The following PPP2R5E variants were observed in gnomAD, a reference collection of about 807,000 sequenced individuals.
PPP2R5E encodes protein phosphatase 2 regulatory subunit B'epsilon.
PPP2R5E carries 4 observed loss-of-function variants against 65.3 expected under a neutral mutation model. The ratio of observed to expected loss-of-function variants is 0.06; its 90% confidence interval spans 0.03 to 0.14. The LOEUF (loss-of-function observed/expected upper bound fraction) is 0.14. PPP2R5E is among the 10% of genes least tolerant of loss of function. The pLI is 1.00. For missense variants in PPP2R5E, 274 were observed against 556.1 expected (o/e 0.49, Z 5.10); for synonymous variants, 183 against 187.4 (o/e 0.98, Z 0.19).
chr14:63,491,925 A>G (rs981058740), intron 2 of PPP2R5E, among the ~76,000 whole-genome samples: 5 of 152,148 alleles, frequency 3.3e-5, no homozygotes, highest in African/African-American at 7.2e-5. Context: ...TTAAAATTAC[A>G]TATGTGTCCT....
rs373641023 is a variant in PPP2R5E, at chr14:63,466,117, T to C, written c.158-12232A>G. Among the ~76,000 whole-genome samples, 7 of 152,304 alleles carry C rather than the reference T, an allele frequency of 4.6e-5. 1 individual carries two copies. In the South Asian group the frequency reaches 6.2e-4, roughly 14 times the overall value. ...CTTCTAAAGGGGATAAAATGGCCTATGTATTTTCCATTTGTTTTGAAGATT... is the reference window on the plus strand; with the variant it reads ...CTTCTAAAGGGGATAAAATGGCCTACGTATTTTCCATTTGTTTTGAAGATT... On this transcript the variant is annotated intron_variant, in intron 2 of 13. Transcript: ENST00000337537.
intron 2 of PPP2R5E, among the ~76,000 whole-genome samples, chr14:63,483,204 C>T (rs1890798325): frequency 6.6e-6 from 1 of 151,542 alleles, no homozygotes; most frequent in Non-Finnish European, 1.5e-5. Context: ...CAGACAAGTG[C>T]AAGAGAAAAA....
chr14:63,506,085 G>A (rs1419733356), intron 2 of PPP2R5E, among the ~76,000 whole-genome samples: 1 of 152,136 alleles, frequency 6.6e-6, no homozygotes, highest in Non-Finnish European at 1.5e-5. Context: ...CTAAATGGGA[G>A]AAAATATTTG....
At chr14:63,388,332 G>C (rs989053695) in intron 11 of PPP2R5E, among the ~76,000 whole-genome samples, 2 of 152,052 alleles carry the variant, frequency 1.3e-5, no homozygotes, top group Non-Finnish European at 2.9e-5. Flanking sequence ...ATAGAGACAG[G>C]GTTTCACCAT....
chr14:63,379,219 G>A (rs531771285), intron 13 of PPP2R5E, among the ~76,000 whole-genome samples: 7 of 151,974 alleles, frequency 4.6e-5, no homozygotes, highest in East Asian at 3.9e-4. Flanking sequence ...TAGTAGAGAC[G>A]GGGTTTCACC....
intron 2 of PPP2R5E, among the ~76,000 whole-genome samples, chr14:63,490,712 T>C (rs1032374954): frequency 6.6e-6 from 1 of 151,906 alleles, no homozygotes; most frequent in Non-Finnish European, 1.5e-5. Flanking sequence ...TCGGAATGAG[T>C]ACTATTAAAA....
chr14:63,389,094 T>G (rs7161314), intron 11 of PPP2R5E, among the ~76,000 whole-genome samples: 16,848 of 151,356 alleles, frequency 0.11, 1,231 homozygotes, highest in East Asian at 0.37. Flanking sequence ...TACTCTCTAT[T>G]AACTTGGGAC....
At chr14:63,541,254 A>C (rs1276417701) in intron 1 of PPP2R5E, among the ~76,000 whole-genome samples, 1 of 152,250 alleles carries the variant, frequency 6.6e-6, no homozygotes, top group Non-Finnish European at 1.5e-5. Context: ...AAGCCACCTT[A>C]CGTTATTAAC....
intron 3 of PPP2R5E, among the ~76,000 whole-genome samples, chr14:63,440,580 G>A (rs1566703930): frequency 6.6e-6 from 1 of 151,974 alleles, no homozygotes; most frequent in Non-Finnish European, 1.5e-5. Context: ...ACTTTTAGGG[G>A]TTTTAGACCT....
intron 5 of PPP2R5E, among the ~76,000 whole-genome samples, chr14:63,396,992 C>G (rs1885429791): frequency 6.6e-6 from 1 of 152,170 alleles, no homozygotes; most frequent in East Asian, 1.9e-4. Flanking sequence ...GATCATCAGG[C>G]AATTTTCCAA....
chr14:63,465,272 ATTAGTT>A (rs1442835531), intron 2 of PPP2R5E, among the ~76,000 whole-genome samples: 1 of 152,022 alleles, frequency 6.6e-6, no homozygotes, highest in Admixed American at 6.6e-5. Context: ...CACCTTCAAA[ATTAGTT>A]TTAAACAATT....
intron 5 of PPP2R5E, among the ~76,000 whole-genome samples, chr14:63,411,629 T>C (rs1886391735): frequency 7.1e-6 from 1 of 140,286 alleles, no homozygotes; most frequent in Admixed American, 7.4e-5. Context: ...GAGTTCTCAC[T>C]CTATTAGCTA....
At chr14:63,491,492 AT>A (rs1891283554) in intron 2 of PPP2R5E, among the ~76,000 whole-genome samples, 1 of 152,116 alleles carries the variant, frequency 6.6e-6, no homozygotes, top group Admixed American at 6.6e-5. Context: ...TCATTTTTAT[AT>A]TGGTTACATG....
chr14:63,529,523 G>C (rs1041113495), intron 2 of PPP2R5E, among the ~76,000 whole-genome samples: 5 of 151,888 alleles, frequency 3.3e-5, no homozygotes, highest in Admixed American at 3.3e-4. Context: ...ACCACGCCCG[G>C]CTAGTTTTTT....
intron 4 of PPP2R5E, among the ~76,000 whole-genome samples, chr14:63,418,412 A>T (rs1566687392): frequency 6.6e-6 from 1 of 152,244 alleles, no homozygotes; most frequent in Non-Finnish European, 1.5e-5. Context: ...CACTTCAGAC[A>T]TATTTATTAA....
chr14:63,507,820 C>T lies in PPP2R5E; in HGVS notation c.157+31709G>A, dbSNP rs1015342265. ...GTCTCCATCTCCTGACCTTGTGATC[C>T]GCCCACCTCGGCCTCCCAAAGTGCT... On this transcript the variant is annotated intron_variant, in intron 2 of 13. Coordinates refer to ENST00000337537, the MANE Select transcript of PPP2R5E (RefSeq NM_006246.5). Among the ~76,000 whole-genome samples the T allele has an allele frequency of 7.2e-5, 11 of 152,086 alleles. No individual in the cohort carries two copies. The East Asian group carries it at 1.6e-3, about 21-fold the overall frequency.
intron 2 of PPP2R5E, among the ~76,000 whole-genome samples, chr14:63,505,272 G>T (rs925446695): frequency 2.6e-5 from 4 of 152,164 alleles, no homozygotes; most frequent in Non-Finnish European, 5.9e-5. Context: ...GGAGGAAAGA[G>T]TGAGACTCTG....
Position 63,428,239 on chromosome 14 carries a change from A to C in PPP2R5E, c.355-6145T>G, listed in dbSNP as rs1239608825. 2.0e-5 allele frequency among the ~76,000 whole-genome samples: 3 copies of C among 152,034 alleles called. No homozygotes were observed. In the East Asian group the frequency reaches 5.8e-4, roughly 29 times the overall value. Reference sequence around the variant, plus strand: ...CACATCCCTTCTTTTTGTCTCCCCCAGTTAGATTTTGAAGCACTCAAGGAC... The same window carrying C: ...CACATCCCTTCTTTTTGTCTCCCCCCGTTAGATTTTGAAGCACTCAAGGAC... On this transcript the variant is annotated intron_variant, in intron 3 of 13. Coordinates refer to ENST00000337537, the MANE Select transcript of PPP2R5E (RefSeq NM_006246.5).
chr14:63,530,729 C>T (rs966598330), intron 2 of PPP2R5E, among the ~76,000 whole-genome samples: 2 of 149,118 alleles, frequency 1.3e-5, no homozygotes, highest in Non-Finnish European at 3.0e-5. Context: ...AGTGATTCTC[C>T]TCAGTCTCCC....
Sources: allele counts gnomAD v4.1 joint callset (sites outside exome capture counted in the v4.1 genomes callset), GRCh38; gene constraint gnomAD v4.1.1; transcripts MANE v1.5; gene names NCBI Gene and HGNC (gene_info 2026-07-23, HGNC 2026-07-21).